The following MACROD2 variants were observed in gnomAD, a reference collection of about 807,000 sequenced individuals.
The protein encoded by MACROD2 is mono-ADP ribosylhydrolase 2.
Under a neutral mutation model 70.4 loss-of-function variants are expected in MACROD2, and 36 were observed. The observed-to-expected ratio is 0.51, with a 90% CI of 0.39 to 0.68. The LOEUF (loss-of-function observed/expected upper bound fraction) is 0.68, where lower values mean the gene tolerates loss of function less well. Ranked by LOEUF, MACROD2 falls within the 30% of genes least tolerant of loss-of-function variation. MACROD2 has a pLI of 0.00. For synonymous variants in MACROD2, 172 were observed against 178.8 expected (o/e 0.96, Z 0.30); for missense variants, 496 against 538.4 (o/e 0.92, Z 0.78).
chr20:15,406,546 G>A (rs1331731691), intron 6 of MACROD2, among the ~76,000 whole-genome samples: 1 of 152,020 alleles, frequency 6.6e-6, no homozygotes, highest in African/African-American at 2.4e-5. Context: ...AGACCAAATG[G>A]GCTTTTATTT....
chr20:14,123,194 A>G (rs2054606444), intron 3 of MACROD2, among the ~76,000 whole-genome samples: 1 of 152,176 alleles, frequency 6.6e-6, no homozygotes, highest in South Asian at 2.1e-4. Context: ...CATAGTCTGA[A>G]TGTTACAAAA....
chr20:15,110,475 A>G lies in MACROD2; in HGVS notation c.419-119465A>G, dbSNP rs1208546038. Among the ~76,000 whole-genome samples, 4 of 152,280 alleles carry G rather than the reference A, an allele frequency of 2.6e-5. No homozygotes were observed. The East Asian group carries it at 5.8e-4, about 22-fold the overall frequency. ...GAGGCTGGGTGAAGGGAGAGAGAAG[A>G]TGAAAGACAGAAGCAGGAAGGAGAG... On this transcript the variant is annotated intron_variant, in intron 5 of 17. Coordinates refer to ENST00000684519, the MANE Select transcript of MACROD2 (RefSeq NM_001351661.2).
chr20:15,490,169 C>CCTTCCTTCCTT (rs2047211095), intron 7 of MACROD2, among the ~76,000 whole-genome samples: 2 of 102,662 alleles, frequency 1.9e-5, no homozygotes, highest in Non-Finnish European at 4.2e-5. Flanking sequence ...CTTCCTTCCT[C>CCTTCCTTCCTT]CTTTCCTTCC....
chr20:15,353,883 C>A (rs1296708877), intron 6 of MACROD2, among the ~76,000 whole-genome samples: 2 of 118,666 alleles, frequency 1.7e-5, no homozygotes, highest in Non-Finnish European at 3.5e-5. Flanking sequence ...GAAATAGGAA[C>A]ACTTTTACAC....
intron 4 of MACROD2, among the ~76,000 whole-genome samples, chr20:14,499,131 A>G (rs578189482): frequency 6.6e-6 from 1 of 152,188 alleles, no homozygotes; most frequent in Non-Finnish European, 1.5e-5. Flanking sequence ...GTCCTGAGAG[A>G]GCAGCATGGC....
At chr20:14,107,959 C>A (rs935534826) in intron 3 of MACROD2, among the ~76,000 whole-genome samples, 3 of 151,960 alleles carry the variant, frequency 2.0e-5, no homozygotes, top group East Asian at 3.9e-4. Context: ...CTGGTAATAG[C>A]GCACAGAAAA....
At chr20:14,439,749 G>C (rs554467088) in intron 3 of MACROD2, among the ~76,000 whole-genome samples, 12 of 152,108 alleles carry the variant, frequency 7.9e-5, no homozygotes, top group Non-Finnish European at 1.8e-4. Context: ...AAAACACTTA[G>C]AATAATGCTA....
At chr20:14,790,139 A>G (rs1219044972) in intron 5 of MACROD2, among the ~76,000 whole-genome samples, 1 of 152,158 alleles carries the variant, frequency 6.6e-6, no homozygotes, top group African/African-American at 2.4e-5. Context: ...CATATTTTAT[A>G]TAAACACTTC....
At chr20:14,896,482 G>A (rs1222505237) in intron 5 of MACROD2, among the ~76,000 whole-genome samples, 1 of 152,076 alleles carries the variant, frequency 6.6e-6, no homozygotes, top group Non-Finnish European at 1.5e-5. Flanking sequence ...AGTTCTGAAA[G>A]GGTAGTAGAT....
intron 8 of MACROD2, among the ~76,000 whole-genome samples, chr20:15,680,043 T>C (rs947702635): frequency 6.6e-6 from 1 of 152,174 alleles, no homozygotes; most frequent in African/African-American, 2.4e-5. Flanking sequence ...CCTGAAGTCA[T>C]GGATGCACCA....
chr20:14,692,087 G>C (rs1270658720), intron 5 of MACROD2, among the ~76,000 whole-genome samples: 1 of 152,140 alleles, frequency 6.6e-6, no homozygotes, highest in African/African-American at 2.4e-5. Context: ...CTAAAAACCA[G>C]AGCAGTGGTT....
At chr20:15,723,986 G>A (rs2050825131) in intron 8 of MACROD2, among the ~76,000 whole-genome samples, 1 of 152,178 alleles carries the variant, frequency 6.6e-6, no homozygotes, top group Non-Finnish European at 1.5e-5. Flanking sequence ...CCTAATAGGT[G>A]TGTAATGGTA....
chr20:14,890,822 A>G (rs1237383376), intron 5 of MACROD2, among the ~76,000 whole-genome samples: 1 of 152,056 alleles, frequency 6.6e-6, no homozygotes, highest in Non-Finnish European at 1.5e-5. Flanking sequence ...TTGAAAGGTA[A>G]AAAGCTGAGG....
chr20:14,040,214 A>T lies in MACROD2; in HGVS notation c.163+37810A>T, dbSNP rs185123612. On this transcript the variant is annotated intron_variant, in intron 2 of 17. Transcript: ENST00000684519. ...AACTGAGATGGTATAGCTACCTATC[A>T]CACACCTAGGCTATATGGTTATATA... Among the ~76,000 whole-genome samples the T allele has an allele frequency of 3.9e-5, 6 of 152,290 alleles. No homozygotes were observed. The East Asian group carries it at 1.2e-3, about 29-fold the overall frequency.
At chr20:15,389,939 C>G (rs79538810) in intron 6 of MACROD2, among the ~76,000 whole-genome samples, 4,197 of 151,998 alleles carry the variant, frequency 0.028, 81 homozygotes, top group Middle Eastern at 0.048. Context: ...ATTTAAAACA[C>G]AAAGTAAAGA....
At chr20:14,311,401 C>A (rs2082565833) in intron 3 of MACROD2, among the ~76,000 whole-genome samples, 1 of 152,092 alleles carries the variant, frequency 6.6e-6, no homozygotes. Flanking sequence ...GTGTAGTAGG[C>A]TATACTATCT....
chr20:15,672,386 C>CACACAT (rs1555858317), intron 8 of MACROD2, among the ~76,000 whole-genome samples: 8 of 150,202 alleles, frequency 5.3e-5, no homozygotes, highest in African/African-American at 2.0e-4. Flanking sequence ...CACACACACA[C>CACACAT]GTAGAGTCAT....
At chr20:15,787,684 T>A (rs575993016) in intron 8 of MACROD2, among the ~76,000 whole-genome samples, 7 of 152,354 alleles carry the variant, frequency 4.6e-5, no homozygotes, top group African/African-American at 1.7e-4. Flanking sequence ...TTGCCCATAT[T>A]GACTCCAACT....
At chr20:14,622,362 T>TA (rs199955749) in intron 4 of MACROD2, among the ~76,000 whole-genome samples, 42 of 151,506 alleles carry the variant, frequency 2.8e-4, no homozygotes, top group African/African-American at 8.7e-4. Flanking sequence ...CACACCTTTT[T>TA]AAAAAAAAAT....
Sources: allele counts gnomAD v4.1 joint callset (sites outside exome capture counted in the v4.1 genomes callset), GRCh38; gene constraint gnomAD v4.1.1; transcripts MANE v1.5; gene names NCBI Gene and HGNC (gene_info 2026-07-23, HGNC 2026-07-21).